Variants in SNX29 observed in about 807,000 individuals in gnomAD.
SNX29 encodes the protein sorting nexin-29.
Under a neutral mutation model 102.1 loss-of-function variants are expected in SNX29, and 78 were observed. The ratio of observed to expected loss-of-function variants is 0.76; its 90% CI spans 0.64 to 0.92. SNX29 has a LOEUF of 0.92. Ranked by LOEUF, SNX29 falls within the 40% of genes least tolerant of loss-of-function variation. SNX29 has a pLI of 0.00. For synonymous variants in SNX29, 580 were observed against 414.5 expected (o/e 1.40, Z -4.85); for missense variants, 1,280 against 1,061.7 (o/e 1.21, Z -2.86).
At chr16:12,049,539 G>C (rs1334300964) in intron 7 of SNX29, among the ~76,000 whole-genome samples, 2 of 152,082 alleles carry the variant, frequency 1.3e-5, no homozygotes, top group Admixed American at 1.3e-4. Flanking sequence ...CCCCATGTTG[G>C]CCAGGCTGGT....
At chr16:12,121,461 C>G (rs2053968256) in intron 11 of SNX29, among the ~76,000 whole-genome samples, 1 of 152,266 alleles carries the variant, frequency 6.6e-6, no homozygotes, top group Non-Finnish European at 1.5e-5. Context: ...CCGCACTTCT[C>G]CCGCTGGCCC....
intron 16 of SNX29, among the ~76,000 whole-genome samples, chr16:12,398,021 T>C (rs1357377782): frequency 6.6e-6 from 1 of 152,184 alleles, no homozygotes; most frequent in East Asian, 1.9e-4. Flanking sequence ...GGAGCCCTTG[T>C]GGGGGTGACA....
chr16:12,552,509 C>G (rs1416217050), intron 20 of SNX29, among the ~76,000 whole-genome samples: 1 of 152,200 alleles, frequency 6.6e-6, no homozygotes, highest in Admixed American at 6.5e-5. Flanking sequence ...CAAAAATAGC[C>G]TGCCAAATGG....
At position 12,027,431 on chromosome 16, in the gene SNX29, C is replaced by T. The variant is rs759784334; in HGVS notation, c.234C>T (p.Ser78=). ...TCAAGCAGGCAGCGGGCTTTGCCAGCAAAACCGAAACAGGTACTGCTCTGC... is the reference window on the plus strand; with the variant it reads ...TCAAGCAGGCAGCGGGCTTTGCCAGTAAAACCGAAACAGGTACTGCTCTGC... ...AAIKQAAGFA[S]KTETEPVFWY... is the part of the protein sequence containing the mutation. Residue 78 remains serine (S), a synonymous_variant, in exon 4 of 21, where the codon AGC becomes AGT. Coordinates refer to ENST00000566228, the MANE Select transcript of SNX29 (RefSeq NM_032167.5). 6 of 1,613,930 alleles carry T rather than the reference C, an allele frequency of 3.7e-6. No homozygotes were observed. Among genetic ancestry groups the T allele is most frequent in the Non-Finnish European group, 5.1e-6 (6 of 1,179,918 alleles).
intron 19 of SNX29, among the ~76,000 whole-genome samples, chr16:12,513,762 C>T (rs1005946820): frequency 4.6e-5 from 7 of 152,226 alleles, no homozygotes; most frequent in South Asian, 2.1e-4. Flanking sequence ...GAGGCCACTT[C>T]GTGAAGCTTT....
chr16:12,400,205 C>G (rs552385620), intron 17 of SNX29, among the ~76,000 whole-genome samples: 3 of 152,172 alleles, frequency 2.0e-5, no homozygotes, highest in Non-Finnish European at 4.4e-5. Flanking sequence ...GTGGAGCTTA[C>G]GAAGAAGGCC....
intron 11 of SNX29, among the ~76,000 whole-genome samples, chr16:12,094,406 T>C (rs1285418937): frequency 1.3e-5 from 2 of 152,178 alleles, no homozygotes; most frequent in Non-Finnish European, 1.5e-5. Flanking sequence ...CTGGGCCTTA[T>C]TGTTGAACTG....
chr16:12,571,490 G>C lies in SNX29; in HGVS notation c.*2861G>C, dbSNP rs982395429. 1 of 335,660 alleles carries C rather than the reference G, an allele frequency of 3.0e-6. No homozygotes were observed. Among genetic ancestry groups the C allele is most frequent in the South Asian group, 1.3e-4 (1 of 7,576 alleles). 20.8% of individuals were successfully genotyped at this position (335,660 alleles called of 1,614,324 possible). On this transcript the variant is annotated 3_prime_UTR_variant, in exon 21 of 21. Transcript: ENST00000566228. ...CCCCCTCCCCTACTCAGAGAGGAAC[G>C]AGGGTGGCCCACCTCTCAAGGGCCT...
At chr16:12,458,863 C>G (rs1231840316) in intron 18 of SNX29, among the ~76,000 whole-genome samples, 1 of 152,204 alleles carries the variant, frequency 6.6e-6, no homozygotes, top group Non-Finnish European at 1.5e-5. Flanking sequence ...GATACTGGCC[C>G]AATCAGATTC....
chr16:12,495,794 CTGTAAT>C (rs2088791293), intron 19 of SNX29, among the ~76,000 whole-genome samples: 1 of 152,306 alleles, frequency 6.6e-6, no homozygotes, highest in East Asian at 1.9e-4. Flanking sequence ...TGGCTCACGC[CTGTAAT>C]CCCAGCACTT....
intron 16 of SNX29, chr16:12,375,044 C>G (rs1256357767): frequency 6.6e-6 from 1 of 152,062 alleles, no homozygotes; most frequent in Admixed American, 6.5e-5. Context: ...TAGTGAGACC[C>G]TGTCTTAAAA....
chr16:12,277,567 C>T (rs1260046940), intron 14 of SNX29, among the ~76,000 whole-genome samples: 1 of 152,164 alleles, frequency 6.6e-6, no homozygotes, highest in African/African-American at 2.4e-5. Flanking sequence ...TTTAAAAATA[C>T]AGCTTATCGC....
chr16:12,305,317 C>T (rs1317216321), intron 15 of SNX29, among the ~76,000 whole-genome samples: 1 of 152,348 alleles, frequency 6.6e-6, no homozygotes, highest in Middle Eastern at 3.4e-3. Context: ...TCCCCCCCGG[C>T]CACGGAGTGG....
intron 20 of SNX29, among the ~76,000 whole-genome samples, chr16:12,534,664 CGG>C (rs1319385466): frequency 6.6e-6 from 1 of 152,214 alleles, no homozygotes; most frequent in African/African-American, 2.4e-5. Flanking sequence ...TCCCTGCAGA[CGG>C]GCTGTCGGAG....
chr16:12,357,472 A>T (rs956182233), intron 16 of SNX29, among the ~76,000 whole-genome samples: 1 of 152,344 alleles, frequency 6.6e-6, no homozygotes, highest in Admixed American at 6.5e-5. Flanking sequence ...TGTGAGACCC[A>T]TGCATTGTAA....
rs149022109 is a variant in SNX29 at position 12,158,376 on chromosome 16, T to A, written c.1595+28618T>A. Among the ~76,000 whole-genome samples, 365 of 152,154 alleles carry A rather than the reference T, an allele frequency of 2.4e-3. 1 individual carries two copies. Among genetic ancestry groups the A allele is most frequent in the African/African-American group, 8.4e-3 (349 of 41,508 alleles). On this transcript the variant is annotated intron_variant, in intron 13 of 20. Coordinates refer to ENST00000566228, the MANE Select transcript of SNX29 (RefSeq NM_032167.5). ...CACCACACCCGGCTAATTTTTGTAT[T>A]TTTAGTAGAGATGAGGGTTCACCAT...
intron 20 of SNX29, among the ~76,000 whole-genome samples, chr16:12,537,031 A>G (rs988382545): frequency 1.3e-5 from 2 of 152,198 alleles, no homozygotes; most frequent in African/African-American, 4.8e-5. Context: ...GGGGGAGCAC[A>G]CAGCAAGCAC....
At chr16:12,245,362 G>A (rs1307344375) in intron 14 of SNX29, among the ~76,000 whole-genome samples, 1 of 151,964 alleles carries the variant, frequency 6.6e-6, no homozygotes, top group Non-Finnish European at 1.5e-5. Flanking sequence ...TGCGGTGACA[G>A]GTTATGTAAA....
At chr16:12,199,543 G>A (rs2076861783) in intron 13 of SNX29, 58 bp from the exon 14 acceptor site, 15 of 1,491,850 alleles carry the variant, frequency 1.0e-5, no homozygotes, top group Non-Finnish European at 9.1e-7. Flanking sequence ...GCCCCCTCCT[G>A]TGGGTCCACA....
Sources: gnomAD v4.1 joint callset for allele counts (sites outside exome capture counted in the v4.1 genomes callset) on GRCh38, gnomAD v4.1.1 for gene constraint, MANE v1.5 for transcripts, NCBI Gene and HGNC (gene_info 2026-07-23, HGNC 2026-07-21) for gene names.